Variants in ITGB6 observed in about 807,000 individuals in gnomAD.
ITGB6 encodes the protein integrin beta-6.
ITGB6 carries 80 observed loss-of-function variants against 84.5 expected under a neutral mutation model. That is an observed-to-expected ratio of 0.95 (90% CI 0.79 to 1.14). The LOEUF is 1.14. ITGB6 is among the 50% of genes most tolerant of loss of function. The probability of loss-of-function intolerance (pLI) is 0.00; values close to 1 mark genes in which losing one functional copy is unlikely to be tolerated. For missense variants in ITGB6, 1,006 were observed against 968.0 expected (o/e 1.04, Z -0.52); for synonymous variants, 383 against 354.9 (o/e 1.08, Z -0.89).
chr2:160,146,411 T>C (rs1462262719), intron 7 of ITGB6, among the ~76,000 whole-genome samples: 1 of 152,158 alleles, frequency 6.6e-6, no homozygotes, highest in Admixed American at 6.5e-5. Flanking sequence ...TCACTAATGT[T>C]ACTTTATTTT....
chr2:160,173,884 A>G, intron 5 of ITGB6, 90 bp downstream of exon 5: 2 of 1,146,024 alleles, frequency 1.7e-6, no homozygotes, highest in East Asian at 2.7e-5. Context: ...GATCAAAGGA[A>G]AGGAAATTAG....
chr2:160,179,874 G>T (rs980747110), intron 4 of ITGB6, among the ~76,000 whole-genome samples: 4 of 147,288 alleles, frequency 2.7e-5, no homozygotes, highest in African/African-American at 7.5e-5. Flanking sequence ...GAGACAGGTG[G>T]ATTACTTGAG....
intron 8 of ITGB6, among the ~76,000 whole-genome samples, chr2:160,139,358 T>C (rs192092307): frequency 1.1e-4 from 16 of 151,944 alleles, no homozygotes; most frequent in Admixed American, 4.6e-4. Flanking sequence ...GTTTTATTTT[T>C]AATTTGTGTG....
chr2:160,167,161 T>C (rs1038468901), intron 7 of ITGB6, among the ~76,000 whole-genome samples: 10 of 152,240 alleles, frequency 6.6e-5, no homozygotes, highest in Admixed American at 1.3e-4. Context: ...ATATCGCAGT[T>C]ATCCAAACAT....
chr2:160,195,137 C>T (rs1367811181), intron 4 of ITGB6, among the ~76,000 whole-genome samples: 1 of 152,150 alleles, frequency 6.6e-6, no homozygotes, highest in Non-Finnish European at 1.5e-5. Flanking sequence ...ACATCCTGCC[C>T]TATACTGGGA....
intron 7 of ITGB6, among the ~76,000 whole-genome samples, chr2:160,162,332 C>T (rs1421763127): frequency 6.6e-6 from 1 of 151,714 alleles, no homozygotes. Flanking sequence ...TAAGCCAAAA[C>T]TACATAATTA....
Position 160,173,985 on chromosome 2 carries a change from C to T in ITGB6, c.748G>A (p.Ala250Thr), listed in dbSNP as rs1316507140. Residue 250 changes from alanine to threonine, a missense_variant, in exon 5 of 15, where the codon GCT (alanine) becomes ACT (threonine). By Grantham distance (58) the Ala-to-Thr change is moderately conservative. Coordinates refer to ENST00000283249, the MANE Select transcript of ITGB6 (RefSeq NM_000888.5). The part of the protein sequence containing the change: ...EGGFDAIMQA[A>T]VCKEKIGWRN... The stretch of plus-strand genomic sequence containing the variant: ...TCCCTTCAGCATACCTTACACACAG[C>T]AGCTTGCATAATTGCATCAAATCCA... The T allele has an allele frequency of 1.2e-6, 2 of 1,613,266 alleles. No individual in the cohort carries two copies. The highest frequency in any genetic ancestry group is 1.7e-5 in the Admixed American group (1 of 59,718).
chr2:160,109,000 G>A (rs895213235), intron 13 of ITGB6, among the ~76,000 whole-genome samples: 7 of 152,272 alleles, frequency 4.6e-5, no homozygotes, highest in Admixed American at 6.5e-5. Context: ...AAGAAATGAG[G>A]CAAAATCCAT....
chr2:160,159,125 T>C (rs1288384487), intron 7 of ITGB6, among the ~76,000 whole-genome samples: 1 of 150,662 alleles, frequency 6.6e-6, no homozygotes. Context: ...AAATGCAGAC[T>C]CTCAGGCCCC....
chr2:160,108,127 G>A (rs1489250190), intron 13 of ITGB6, among the ~76,000 whole-genome samples: 1 of 151,876 alleles, frequency 6.6e-6, no homozygotes, highest in African/African-American at 2.4e-5. Flanking sequence ...GATAATTAAT[G>A]CACATGGAAT....
At chr2:160,130,655 T>C (rs1182757055) in intron 10 of ITGB6, among the ~76,000 whole-genome samples, 2 of 152,212 alleles carry the variant, frequency 1.3e-5, no homozygotes, top group Non-Finnish European at 2.9e-5. Flanking sequence ...CAAAGAATAA[T>C]TAAATGATTT....
intron 7 of ITGB6, among the ~76,000 whole-genome samples, chr2:160,152,111 T>C (rs977458913): frequency 1.3e-5 from 2 of 152,092 alleles, no homozygotes; most frequent in Admixed American, 1.3e-4. Flanking sequence ...GCCAACATCA[T>C]CCTGATAGCA....
Position 160,123,848 on chromosome 2 carries a change from G to T in ITGB6, c.1924C>A (p.Arg642=), listed in dbSNP as rs61737767. The T allele has an allele frequency of 5.0e-6, 8 of 1,613,814 alleles. No homozygotes were observed. Among genetic ancestry groups the T allele is most frequent in the African/African-American group, 2.7e-5 (2 of 74,906 alleles). Residue 642 remains arginine (R), a synonymous_variant, in exon 12 of 15, where the codon CGA becomes AGA. Coordinates refer to ENST00000283249, the MANE Select transcript of ITGB6 (RefSeq NM_000888.5). ...TTGCACTTGTCCACACATTCTTCTC[G>T]GGCTTGGCCAGCTGCTGACAGGTGG... ...ECHLSAAGQA[R]EECVDKCKLA...
At chr2:160,154,588 A>G (rs1388441986) in intron 7 of ITGB6, among the ~76,000 whole-genome samples, 1 of 152,178 alleles carries the variant, frequency 6.6e-6, no homozygotes, top group Non-Finnish European at 1.5e-5. Flanking sequence ...ATAAAAAGAA[A>G]GAGTTGAACA....
At chr2:160,181,488 T>A (rs1041784866) in intron 4 of ITGB6, among the ~76,000 whole-genome samples, 12 of 152,154 alleles carry the variant, frequency 7.9e-5, no homozygotes, top group African/African-American at 2.4e-4. Context: ...GTAGCCCCAG[T>A]CAGGGGCTTT....
rs78559547 is a variant in ITGB6, at chr2:160,176,289, G to A, written c.594-2150C>T. ...TGGAAGCTCTGGAAGTGTGTTGGCC[G>A]AGGCTCTTGGATGGATGTGGCCCAC... On this transcript the variant is annotated intron_variant, in intron 4 of 14. Transcript: ENST00000283249. Among the ~76,000 whole-genome samples, 1,371 of 152,240 alleles carry A rather than the reference G, an allele frequency of 9.0e-3. 17 individuals are homozygous for A. The highest frequency in any genetic ancestry group is 0.031 in the African/African-American group (1,272 of 41,526).
At chr2:160,171,629 C>T (rs763180043) in intron 6 of ITGB6, among the ~76,000 whole-genome samples, 6 of 152,166 alleles carry the variant, frequency 3.9e-5, no homozygotes, top group South Asian at 2.1e-4. Context: ...CCAACGTGCC[C>T]GGCCTCTATT....
rs947964516 is a variant in ITGB6 at position 160,199,317 on chromosome 2, G to A, written c.62-59C>T. 8.9e-6 allele frequency: 11 copies of A among 1,234,336 alleles called. No individual in the cohort carries two copies. In the African/African-American group the frequency reaches 1.6e-4, roughly 18 times the overall value. 76.5% of individuals were successfully genotyped at this position (1,234,336 alleles called of 1,614,324 possible). A position where few individuals can be genotyped will look rare whatever the true frequency, so the allele number is the denominator to read the frequency against. ...GTACACTTTCAGTCATTCCATTTAT[G>A]AGACTGATGGCTCTTACATTACTTG... On this transcript the variant is annotated intron_variant, in intron 1 of 14. Transcript: ENST00000283249.
chr2:160,195,579 G>T lies in ITGB6; in HGVS notation c.383C>A (p.Thr128Asn). 6.2e-7 allele frequency: 1 copy of T among 1,614,100 alleles called. No homozygotes were observed. Among genetic ancestry groups the T allele is most frequent in the South Asian group, 1.1e-5 (1 of 91,080 alleles). The change falls in exon 4 of 15, where the codon ACT becomes AAT. Residue 128 changes from threonine to asparagine, a missense_variant. Transcript: ENST00000283249. ...ATACAAATCCACCGGGTAGTCCTCAGTCTGGCGGACATGCACCTGCAGAGT... is the reference window on the plus strand; with the variant it reads ...ATACAAATCCACCGGGTAGTCCTCATTCTGGCGGACATGCACCTGCAGAGT... The part of the protein sequence containing the change: ...AQTLQVHVRQ[T>N]EDYPVDLYYL...
Sources: allele counts gnomAD v4.1 joint callset (sites outside exome capture counted in the v4.1 genomes callset), GRCh38; gene constraint gnomAD v4.1.1; transcripts MANE v1.5; gene names NCBI Gene and HGNC (gene_info 2026-07-23, HGNC 2026-07-21).